Variants in BDP1 observed in about 807,000 individuals in gnomAD.
BDP1 encodes transcription factor TFIIIB component B'' homolog.
In BDP1, 169 loss-of-function variants were observed where a neutral mutation model predicts 266.6. The observed-to-expected ratio is 0.63, with a 90% CI of 0.56 to 0.72. BDP1 has a LOEUF of 0.72. Among genes scored for constraint, BDP1 ranks in the 30% least tolerant of loss-of-function variants. BDP1 has a pLI of 0.00. For synonymous variants in BDP1, 1,090 were observed against 1,022.4 expected, an observed-to-expected ratio of 1.07 and a Z score of -1.26; for missense variants, 3,015 against 3,053.8, an observed-to-expected ratio of 0.99 and a Z score of 0.30.
chr5:71,499,132 C>T (rs942997781), intron 13 of BDP1, among the ~76,000 whole-genome samples: 1 of 152,154 alleles, frequency 6.6e-6, no homozygotes, highest in Non-Finnish European at 1.5e-5. Flanking sequence ...CGGAGTCTCG[C>T]CCTGTCGCCC....
Position 71,512,387 on chromosome 5 carries a change from A to G in BDP1, c.4206A>G (p.Gln1402=), listed in dbSNP as rs763548196. The part of the protein sequence containing the change: ...ESDKTEVQGI[Q]SPDVPEQFSD... The stretch of plus-strand genomic sequence containing the variant: ...ATAAAACAGAAGTCCAGGGGATTCA[A>G]TCTCCAGATGTTCCAGAGCAGTTTT... The change falls in exon 18 of 39, where the codon CAA becomes CAG. Residue 1402 remains glutamine, a synonymous_variant. Transcript: ENST00000358731. The G allele has an allele frequency of 2.5e-6, 4 of 1,584,400 alleles. No homozygotes were observed. The highest frequency in any genetic ancestry group is 2.7e-5 in the African/African-American group (2 of 73,020).
intron 15 of BDP1, among the ~76,000 whole-genome samples, 176 bp downstream of exon 15, chr5:71,502,967 C>T (rs1764345360): frequency 6.9e-6 from 1 of 144,892 alleles, no homozygotes; most frequent in Non-Finnish European, 1.5e-5. Flanking sequence ...TGCCTCACTG[C>T]AACCTCTGCC....
At chr5:71,511,204 A>G in intron 17 of BDP1, 53 bp downstream of exon 17, 1 of 1,497,342 alleles carries the variant, frequency 6.7e-7, no homozygotes. Context: ...TTCAGAGGAA[A>G]TAAATAATTC....
Position 71,510,561 on chromosome 5 carries a change from G to A in BDP1, c.3469G>A (p.Glu1157Lys), listed in dbSNP as rs747039678. The change falls in exon 17 of 39, where the codon GAA (glutamate) becomes AAA (lysine). Residue 1157 changes from glutamate to lysine, a missense_variant. Physicochemically the swap from Glu to Lys is moderately conservative, Grantham distance 56 (BLOSUM62 1). Transcript: ENST00000358731. Reference protein sequence around the residue: ...ETGRREISPEENGPEEVKPVD... With the variant: ...ETGRREISPEKNGPEEVKPVD... The stretch of plus-strand genomic sequence containing the variant: ...TGGAAGAAGAGAAATATCCCCAGAG[G>A]AAAATGGCCCAGAGGAGGTCAAGCC... The A allele has an allele frequency of 6.2e-7, 1 of 1,613,734 alleles. No individual in the cohort carries two copies. The highest frequency in any genetic ancestry group is 1.3e-5 in the African/African-American group (1 of 74,896).
At chr5:71,474,407 C>T (rs542408083) in intron 7 of BDP1, among the ~76,000 whole-genome samples, 1 of 151,850 alleles carries the variant, frequency 6.6e-6, no homozygotes, top group Admixed American at 6.6e-5. Context: ...ACTGCAAACT[C>T]CACCTCCCAG....
At chr5:71,495,178 A>G (rs1467122959) in intron 11 of BDP1, 72 bp from the exon 12 acceptor site, 7 of 973,774 alleles carry the variant, frequency 7.2e-6, no homozygotes, top group Non-Finnish European at 9.7e-6. Flanking sequence ...TGTGTTTAAC[A>G]TTTTTAAAAA....
chr5:71,539,674 C>A (rs377472420), intron 28 of BDP1, 25 bp downstream of exon 28: 30 of 1,507,622 alleles, frequency 2.0e-5, no homozygotes, highest in Non-Finnish European at 2.5e-5. Flanking sequence ...TAAGTCCTAT[C>A]AAAAATAGAA....
At chr5:71,464,150 C>G (rs1043884836) in intron 4 of BDP1, 33 bp downstream of exon 4, 1 of 1,317,206 alleles carries the variant, frequency 7.6e-7, no homozygotes, top group African/African-American at 1.5e-5. Flanking sequence ...TATTCTATTC[C>G]TACATTTTTT....
rs1211507432 is a variant in BDP1, at chr5:71,560,221, A to G, written c.7480A>G (p.Lys2494Glu). 3 of 1,613,942 alleles carry G rather than the reference A, an allele frequency of 1.9e-6. No individual in the cohort carries two copies. Among genetic ancestry groups the G allele is most frequent in the Non-Finnish European group, 2.5e-6 (3 of 1,179,986 alleles). The change falls in exon 37 of 39, where the codon AAA (lysine) becomes GAA (glutamate). Residue 2494 changes from lysine (K) to glutamate (E), a missense_variant. This residue lies in a region of BDP1 where 629 missense variants were observed against 632.5 expected (regional missense o/e 0.99). Transcript: ENST00000358731. ...QQMDSRTSSSKASLSRPGRRP... is the reference protein window; with the variant it reads ...QQMDSRTSSSEASLSRPGRRP... ...AATGGATAGCAGAACATCGTCTTCT[A>G]AAGCCTCACTATCCAGGTATCATGA...
At chr5:71,482,183 C>T (rs1451187463) in intron 7 of BDP1, among the ~76,000 whole-genome samples, 1 of 152,134 alleles carries the variant, frequency 6.6e-6, no homozygotes, top group Admixed American at 6.5e-5. Context: ...TGGGGTATTT[C>T]CACCAGGCCT....
Position 71,492,776 on chromosome 5 carries a change from A to G in BDP1, c.1640+1645A>G, listed in dbSNP as rs550318905. Among the ~76,000 whole-genome samples the G allele has an allele frequency of 9.6e-4, 146 of 152,292 alleles. 2 individuals carry two copies. Among genetic ancestry groups the G allele is most frequent in the African/African-American group, 2.9e-3 (121 of 41,568 alleles). On this transcript the variant is annotated intron_variant, in intron 11 of 38. Transcript: ENST00000358731. The stretch of plus-strand genomic sequence containing the variant: ...GTCTAATTTTGCTTTTGTTGCCTAT[A>G]CTTTTGGTGTCATATCTAAGAAACT...
At position 71,516,013 on chromosome 5, in the gene BDP1, G is replaced by C. The variant is rs748725718; in HGVS notation, c.4650-48G>C. The C allele has an allele frequency of 9.4e-6, 13 of 1,387,130 alleles. No homozygotes were observed. The South Asian group carries it at 1.7e-4, about 18-fold the overall frequency. 85.9% of individuals were successfully genotyped at this position (1,387,130 alleles called of 1,614,324 possible). A position where few individuals can be genotyped will look rare whatever the true frequency, so the allele number is the denominator to read the frequency against. On this transcript the variant is annotated intron_variant, in intron 20 of 38. Transcript: ENST00000358731. The stretch of plus-strand genomic sequence containing the variant: ...TTTTACATTTTTACATTAGTTTTCA[G>C]CTTTTTACAGTCAAGCGCCCTGCCT...
rs384732 is a variant in BDP1 at position 71,509,353 on chromosome 5, T to C, written c.2373-112T>C. ...CCAGCGATTCCTAGGCCTTCCTTAATTTTTTTGAATTTGAGAGTTTCTGGT... is the reference window on the plus strand; with the variant it reads ...CCAGCGATTCCTAGGCCTTCCTTAACTTTTTTGAATTTGAGAGTTTCTGGT... On this transcript the variant is annotated intron_variant, in intron 16 of 38. Transcript: ENST00000358731. 564,117 of 1,257,944 alleles carry C rather than the reference T, an allele frequency of 0.45. 128,456 individuals are homozygous for C. Among genetic ancestry groups the C allele is most frequent in the South Asian group, 0.48 (21,807 of 45,662 alleles). The allele number at this position is 1,257,944 out of a possible 1,614,324, so 77.9% of individuals were successfully genotyped here.
chr5:71,526,615 C>CAAAA (rs752124588), intron 25 of BDP1, among the ~76,000 whole-genome samples: 805 of 49,622 alleles, frequency 0.016, 40 homozygotes, highest in Non-Finnish European at 0.021. Flanking sequence ...GACTCTATCT[C>CAAAA]AAAAAAAAAA....
intron 26 of BDP1, among the ~76,000 whole-genome samples, chr5:71,535,290 CG>C (rs1766524512): frequency 6.6e-6 from 1 of 151,802 alleles, no homozygotes; most frequent in Non-Finnish European, 1.5e-5. Flanking sequence ...CTGCACCCTC[CG>C]CCTCCCAGTT....
intron 7 of BDP1, among the ~76,000 whole-genome samples, chr5:71,476,938 C>T (rs1171873279): frequency 6.6e-6 from 1 of 152,038 alleles, no homozygotes; most frequent in South Asian, 2.1e-4. Flanking sequence ...CTCTTGACCT[C>T]GTGATCTGCC....
intron 25 of BDP1, among the ~76,000 whole-genome samples, chr5:71,525,116 T>C (rs1194988337): frequency 1.9e-4 from 29 of 152,314 alleles, no homozygotes; most frequent in Middle Eastern, 6.8e-3. Context: ...AAACCGCCAT[T>C]GTCATCATGG....
chr5:71,527,547 T>C (rs1349401076), intron 25 of BDP1, among the ~76,000 whole-genome samples: 1 of 152,210 alleles, frequency 6.6e-6, no homozygotes, highest in Non-Finnish European at 1.5e-5. Context: ...TTATTTCATT[T>C]AGCATAATGT....
intron 19 of BDP1, 36 bp downstream of exon 19, chr5:71,513,443 T>G (rs1580116814): frequency 1.4e-4 from 11 of 80,348 alleles, no homozygotes; most frequent in Non-Finnish European, 2.2e-4. Context: ...TGTGTGGGTG[T>G]TTTTTTTTTT....
Sources: allele counts gnomAD v4.1 joint callset (sites outside exome capture counted in the v4.1 genomes callset), GRCh38; gene constraint gnomAD v4.1.1; regional missense constraint gnomAD v4.1.1; transcripts MANE v1.5; gene names NCBI Gene and HGNC (gene_info 2026-07-23, HGNC 2026-07-21).